The following ZNF727 variants were observed in gnomAD, a reference collection of about 807,000 sequenced individuals.
ZNF727 encodes the protein zinc finger protein 727, also known as putative zinc finger protein 727.
ZNF727 carries 11 observed loss-of-function variants against 11.5 expected under a neutral mutation model. The ratio of observed to expected loss-of-function variants is 0.95; its 90% CI spans 0.60 to 1.58. The LOEUF is 1.58. Among genes scored for constraint, ZNF727 ranks in the 40% most tolerant of loss-of-function variants. ZNF727 has a pLI of 0.00. For missense variants in ZNF727, 533 were observed against 581.7 expected (o/e 0.92, Z 0.86); for synonymous variants, 171 against 196.1 (o/e 0.87, Z 1.07).
chr7:64,045,715 C>G, intron 1 of ZNF727, 91 bp downstream of exon 1: 3 of 1,507,838 alleles, frequency 2.0e-6, no homozygotes, highest in Non-Finnish European at 1.8e-6. Flanking sequence ...GCCTCGCGGT[C>G]AGCTCTGCAG....
chr7:64,064,152 A>C (rs1010251570), intron 1 of ZNF727, among the ~76,000 whole-genome samples: 1 of 152,144 alleles, frequency 6.6e-6, no homozygotes, highest in African/African-American at 2.4e-5. Flanking sequence ...TCAAGCTTCA[A>C]GACAAAGTCT....
intron 3 of ZNF727, among the ~76,000 whole-genome samples, chr7:64,077,005 G>A (rs1231144784): frequency 1.3e-5 from 2 of 152,052 alleles, no homozygotes; most frequent in African/African-American, 4.8e-5. Context: ...GGCTGTGGTG[G>A]GTAAATATGA....
intron 3 of ZNF727, among the ~76,000 whole-genome samples, chr7:64,070,205 A>G (rs1035181059): frequency 2.6e-5 from 4 of 152,082 alleles, no homozygotes; most frequent in African/African-American, 9.7e-5. Flanking sequence ...CTAAAATAGT[A>G]TTACTTCAAA....
chr7:64,083,627 T>G lies in ZNF727; in HGVS notation c.*5078T>G, dbSNP rs1486610175. Among the ~76,000 whole-genome samples, 1 of 152,166 alleles carries G rather than the reference T, an allele frequency of 6.6e-6. No individual in the cohort carries two copies. The highest frequency in any genetic ancestry group is 1.5e-5 in the Non-Finnish European group (1 of 68,034). On this transcript the variant is annotated 3_prime_UTR_variant, in exon 4 of 4. Transcript: ENST00000456806. ...TGTTAAATTGAAGGCCTTGGTGAAG[T>G]GGGTTCCTGAGGGTATCTCCTCACC...
chr7:64,063,930 C>T (rs1383489964), intron 1 of ZNF727, among the ~76,000 whole-genome samples: 1 of 152,074 alleles, frequency 6.6e-6, no homozygotes, highest in Non-Finnish European at 1.5e-5. Flanking sequence ...ACAGTAAGTA[C>T]TTCCAGGCTA....
At chr7:64,048,836 G>A (rs1332483689) in intron 1 of ZNF727, among the ~76,000 whole-genome samples, 1 of 152,132 alleles carries the variant, frequency 6.6e-6, no homozygotes, top group South Asian at 2.1e-4. Context: ...AATGCATGAA[G>A]GTGTTCTTTG....
In ZNF727 at chr7:64,066,995, C is replaced by A. The variant is rs547864914; in HGVS notation, c.4-1896C>A. Among the ~76,000 whole-genome samples, 264 of 152,026 alleles carry A rather than the reference C, an allele frequency of 1.7e-3. 1 individual carries two copies. Among genetic ancestry groups the A allele is most frequent in the Non-Finnish European group, 3.1e-3 (210 of 67,976 alleles). On this transcript the variant is annotated intron_variant, in intron 1 of 3. Transcript: ENST00000456806. ...CAGAATGAGAGAAAATTTTTGCAATCTATCCATCTGACAAAAGGCTAATAT... is the reference window on the plus strand; with the variant it reads ...CAGAATGAGAGAAAATTTTTGCAATATATCCATCTGACAAAAGGCTAATAT...
At chr7:64,068,314 C>T (rs1789903651) in intron 1 of ZNF727, among the ~76,000 whole-genome samples, 1 of 152,074 alleles carries the variant, frequency 6.6e-6, no homozygotes, top group Admixed American at 6.6e-5. Context: ...CATATCGCTT[C>T]CTATGGAAAG....
At chr7:64,071,252 T>A (rs1789957979) in intron 3 of ZNF727, among the ~76,000 whole-genome samples, 2 of 152,058 alleles carry the variant, frequency 1.3e-5, no homozygotes, top group African/African-American at 4.8e-5. Context: ...TTTTTTTTCT[T>A]TAATATATTC....
At chr7:64,061,742 A>G (rs1283208353) in intron 1 of ZNF727, among the ~76,000 whole-genome samples, 1 of 151,622 alleles carries the variant, frequency 6.6e-6, no homozygotes, top group Non-Finnish European at 1.5e-5. Context: ...GTTTTGTAGT[A>G]TCTTCTCTCT....
At chr7:64,060,899 T>A (rs924039681) in intron 1 of ZNF727, among the ~76,000 whole-genome samples, 1 of 152,094 alleles carries the variant, frequency 6.6e-6, no homozygotes, top group Non-Finnish European at 1.5e-5. Context: ...AAGAACATTT[T>A]AAATTTTTTT....
chr7:64,082,823 T>C lies in ZNF727; in HGVS notation c.*4274T>C, dbSNP rs1392489734. 6.6e-6 allele frequency among the ~76,000 whole-genome samples: 1 copy of C among 151,646 alleles called. No homozygotes were observed. Among genetic ancestry groups the C allele is most frequent in the East Asian group, 1.9e-4 (1 of 5,138 alleles). On this transcript the variant is annotated 3_prime_UTR_variant, in exon 4 of 4. Coordinates refer to ENST00000456806, the MANE Select transcript of ZNF727 (RefSeq NM_001159522.3). ...CTTGAACCCAGGAGGCAGATGTTGC[T>C]GTGAGCGGAGATTGTGCCACTGCAC...
intron 1 of ZNF727, among the ~76,000 whole-genome samples, chr7:64,060,902 A>AT (rs1281785994): frequency 6.6e-6 from 1 of 150,876 alleles, no homozygotes; most frequent in Non-Finnish European, 1.5e-5. Flanking sequence ...AACATTTTAA[A>AT]TTTTTTTCTT....
At position 64,045,549 on chromosome 7, in the gene ZNF727, C is replaced by T. The variant is rs1789487691; in HGVS notation, c.-73C>T. ...TAGCTCCTCGGTGACTCCACCATAG[C>T]CCCTGTTATCCTGTGACCTGCAGGT... On this transcript the variant is annotated 5_prime_UTR_variant, in exon 1 of 4. Transcript: ENST00000456806. 3 of 1,544,258 alleles carry T rather than the reference C, an allele frequency of 1.9e-6. No homozygotes were observed. The highest frequency in any genetic ancestry group is 2.0e-5 in the Admixed American group (1 of 50,978).
chr7:64,047,099 A>C (rs1789520398), intron 1 of ZNF727, among the ~76,000 whole-genome samples: 1 of 151,922 alleles, frequency 6.6e-6, no homozygotes, highest in South Asian at 2.1e-4. Flanking sequence ...CTATTTAGTT[A>C]TTTTAATGCT....
intron 1 of ZNF727, among the ~76,000 whole-genome samples, chr7:64,065,132 C>T (rs1461352460): frequency 6.6e-6 from 1 of 152,062 alleles, no homozygotes; most frequent in Admixed American, 6.6e-5. Flanking sequence ...CCACTTCCCC[C>T]CTGCAGCCAT....
At chr7:64,051,637 A>T (rs1789599975) in intron 1 of ZNF727, among the ~76,000 whole-genome samples, 1 of 152,206 alleles carries the variant, frequency 6.6e-6, no homozygotes, top group Admixed American at 6.5e-5. Flanking sequence ...GGTCTAAAAA[A>T]CTTCAATTTT....
chr7:64,067,982 A>G (rs1789897536), intron 1 of ZNF727, among the ~76,000 whole-genome samples: 1 of 152,190 alleles, frequency 6.6e-6, no homozygotes, highest in Non-Finnish European at 1.5e-5. Context: ...AGATATTTGT[A>G]GCTTAAATTT....
Position 64,084,731 on chromosome 7 carries a change from C to G in ZNF727, c.*6182C>G, listed in dbSNP as rs558536422. On this transcript the variant is annotated 3_prime_UTR_variant, in exon 4 of 4. Transcript: ENST00000456806. ...TCTCGTCTGCTAAACACGTACAGAC[C>G]TTTAGTTTTGATTTACATCAATTTA... 6.6e-6 allele frequency among the ~76,000 whole-genome samples: 1 copy of G among 152,130 alleles called. No homozygotes were observed. Among genetic ancestry groups the G allele is most frequent in the African/African-American group, 2.4e-5 (1 of 41,540 alleles).
Sources: allele counts gnomAD v4.1 joint callset (sites outside exome capture counted in the v4.1 genomes callset), GRCh38; gene constraint gnomAD v4.1.1; transcripts MANE v1.5; gene names NCBI Gene and HGNC (gene_info 2026-07-23, HGNC 2026-07-21).